Variants in DAB1 observed in about 807,000 individuals in gnomAD.
DAB1 encodes the protein disabled homolog 1.
Under a neutral mutation model 64.6 loss-of-function variants are expected in DAB1, and 15 were observed. That is an observed-to-expected ratio of 0.23 (90% CI 0.16 to 0.36). The LOEUF (loss-of-function observed/expected upper bound fraction) is 0.36, where lower values mean the gene tolerates loss of function less well. Among genes scored for constraint, DAB1 ranks in the 10% least tolerant of loss-of-function variants. The pLI is 1.00. For synonymous variants in DAB1, 235 were observed against 251.9 expected (o/e 0.93, Z 0.64); for missense variants, 596 against 706.7 (o/e 0.84, Z 1.78).
intron 3 of DAB1, among the ~76,000 whole-genome samples, chr1:58,354,400 C>T (rs949000610): frequency 3.3e-5 from 5 of 152,120 alleles, no homozygotes; most frequent in African/African-American, 1.2e-4. Flanking sequence ...TGCACCTTCT[C>T]TCGTAGCATT....
At chr1:57,253,541 G>A (rs1669523562) in intron 2 of DAB1, among the ~76,000 whole-genome samples, 1 of 152,080 alleles carries the variant, frequency 6.6e-6, no homozygotes, top group South Asian at 2.1e-4. Context: ...AGATAACGAA[G>A]TTTGAATTTA....
At chr1:57,509,876 C>G (rs1028026696) in intron 7 of DAB1, among the ~76,000 whole-genome samples, 1 of 152,170 alleles carries the variant, frequency 6.6e-6, no homozygotes, top group African/African-American at 2.4e-5. Context: ...AGACGAAAAC[C>G]TTTCCTCAAC....
chr1:57,883,287 C>T (rs1259941682), intron 1 of DAB1, among the ~76,000 whole-genome samples: 1 of 152,156 alleles, frequency 6.6e-6, no homozygotes, highest in Non-Finnish European at 1.5e-5. Context: ...ATTCAAATGG[C>T]TAATGTACAA....
chr1:58,053,140 C>T (rs1462547437), intron 5 of DAB1, among the ~76,000 whole-genome samples: 1 of 152,202 alleles, frequency 6.6e-6, no homozygotes, highest in African/African-American at 2.4e-5. Flanking sequence ...CCAAACATCT[C>T]CCATTACCCA....
At chr1:57,656,999 G>T (rs1646326717) in intron 6 of DAB1, among the ~76,000 whole-genome samples, 1 of 152,152 alleles carries the variant, frequency 6.6e-6, no homozygotes, top group Non-Finnish European at 1.5e-5. Context: ...TTATAATTAG[G>T]CTTATTATAC....
chr1:57,329,846 A>G (rs77510), intron 1 of DAB1, among the ~76,000 whole-genome samples: 73,449 of 151,936 alleles, frequency 0.48, 18,791 homozygotes, highest in Non-Finnish European at 0.58. Context: ...GAAGAGGTCA[A>G]TCAATAAAAA....
At chr1:58,101,453 G>C (rs1414794764) in intron 5 of DAB1, among the ~76,000 whole-genome samples, 3 of 152,194 alleles carry the variant, frequency 2.0e-5, no homozygotes, top group African/African-American at 7.2e-5. Flanking sequence ...AGGCCAGAGA[G>C]TGAGAGCAAC....
chr1:58,156,992 C>A (rs182676157), intron 4 of DAB1, among the ~76,000 whole-genome samples: 1 of 152,148 alleles, frequency 6.6e-6, no homozygotes, highest in African/African-American at 2.4e-5. Context: ...GCCTACCGAA[C>A]GGGATCTGAG....
chr1:57,849,718 T>G (rs1342659888), intron 1 of DAB1, among the ~76,000 whole-genome samples: 1 of 152,204 alleles, frequency 6.6e-6, no homozygotes, highest in Non-Finnish European at 1.5e-5. Flanking sequence ...TTAAAAATAA[T>G]ATATCCTTTG....
At chr1:57,534,499 A>G (rs1210214182) in intron 7 of DAB1, among the ~76,000 whole-genome samples, 4 of 152,284 alleles carry the variant, frequency 2.6e-5, no homozygotes, top group East Asian at 3.9e-4. Context: ...TGTGGGATCA[A>G]TTAGGCCCTG....
At chr1:57,625,704 TAA>T in intron 7 of DAB1, among the ~76,000 whole-genome samples, 1 of 151,946 alleles carries the variant, frequency 6.6e-6, no homozygotes, top group African/African-American at 2.4e-5. Context: ...GGTAAAAAGA[TAA>T]AGTCAGGCTG....
chr1:57,542,667 A>C (rs1306635914), intron 7 of DAB1, among the ~76,000 whole-genome samples: 3 of 152,000 alleles, frequency 2.0e-5, no homozygotes, highest in Non-Finnish European at 4.4e-5. Flanking sequence ...AAGGCAAGCT[A>C]AGGATGCTCA....
At chr1:58,485,436 A>G (rs957857685) in intron 3 of DAB1, among the ~76,000 whole-genome samples, 5 of 151,910 alleles carry the variant, frequency 3.3e-5, no homozygotes, top group Admixed American at 6.6e-5. Context: ...TAGAAACACT[A>G]TATGTTCTTC....
chr1:57,721,771 C>T (rs920824883), intron 6 of DAB1, among the ~76,000 whole-genome samples: 2 of 152,218 alleles, frequency 1.3e-5, no homozygotes, highest in Non-Finnish European at 2.9e-5. Flanking sequence ...TAGTGAGGAG[C>T]GTTCGGCATG....
intron 1 of DAB1, among the ~76,000 whole-genome samples, chr1:57,356,584 C>G (rs1224642357): frequency 2.0e-5 from 3 of 151,944 alleles, no homozygotes; most frequent in Admixed American, 2.0e-4. Flanking sequence ...CTGACATGCT[C>G]TCTCATCAGT....
At chr1:58,243,313 T>C (rs544592742) in intron 4 of DAB1, among the ~76,000 whole-genome samples, 1 of 152,244 alleles carries the variant, frequency 6.6e-6, no homozygotes, top group East Asian at 1.9e-4. Context: ...TCAACACCTA[T>C]GACTCAGAGC....
intron 7 of DAB1, among the ~76,000 whole-genome samples, chr1:57,495,995 G>T (rs149849896): frequency 6.6e-6 from 1 of 152,168 alleles, no homozygotes. Context: ...CATAGTAGGT[G>T]CTCAATAGAT....
chr1:58,061,501 C>T (rs1648501805), intron 5 of DAB1, among the ~76,000 whole-genome samples: 1 of 152,194 alleles, frequency 6.6e-6, no homozygotes. Context: ...CTTCACATGG[C>T]CCTGTGTCTG....
intron 4 of DAB1, among the ~76,000 whole-genome samples, chr1:58,233,878 A>G (rs1659896150): frequency 6.6e-6 from 1 of 152,218 alleles, no homozygotes; most frequent in African/African-American, 2.4e-5. Flanking sequence ...CAGAGTATGA[A>G]CGCCTGAGTG....
Sources: gnomAD v4.1 joint callset for allele counts (sites outside exome capture counted in the v4.1 genomes callset) on GRCh38, gnomAD v4.1.1 for gene constraint, MANE v1.5 for transcripts, NCBI Gene and HGNC (gene_info 2026-07-23, HGNC 2026-07-21) for gene names.